Variants in FMO1 observed in about 807,000 individuals in gnomAD.
FMO1 encodes the protein flavin containing dimethylaniline monoxygenase 1, also known as flavin-containing monooxygenase 1.
In FMO1, 36 loss-of-function variants were observed where a neutral mutation model predicts 45.4. The ratio of observed to expected loss-of-function variants is 0.79; its 90% CI spans 0.61 to 1.05. The LOEUF is 1.05. Among genes scored for constraint, FMO1 ranks in the 50% least tolerant of loss-of-function variants. The pLI, the probability that FMO1 is intolerant of heterozygous loss-of-function variation, is 0.00. For synonymous variants in FMO1, 228 were observed against 227.2 expected (o/e 1.00, Z -0.03); for missense variants, 615 against 640.3 (o/e 0.96, Z 0.43).
In FMO1 at chr1:171,258,131, T is replaced by C. The variant is rs1488591182; in HGVS notation, c.44T>C (p.Leu15Pro). The part of the protein sequence containing the change: ...VAIVGAGVSG[L>P]ASIKCCLEEG... Reference sequence around the variant, plus strand: ...ATTGTGGGAGCTGGGGTCAGCGGCCTGGCCTCCATCAAGTGCTGTCTGGAA... The same window carrying C: ...ATTGTGGGAGCTGGGGTCAGCGGCCCGGCCTCCATCAAGTGCTGTCTGGAA... Residue 15 changes from leucine (L) to proline (P), a missense_variant, in exon 2 of 9, where the codon CTG (leucine) becomes CCG (proline). Coordinates refer to ENST00000617670, the MANE Select transcript of FMO1 (RefSeq NM_001282693.2). 1 of 1,614,206 alleles carries C rather than the reference T, an allele frequency of 6.2e-7. No homozygotes were observed. Among genetic ancestry groups the C allele is most frequent in the Admixed American group, 1.7e-5 (1 of 60,026 alleles).
chr1:171,249,424 T>C (rs1053424794), intron 1 of FMO1, among the ~76,000 whole-genome samples: 1 of 152,114 alleles, frequency 6.6e-6, no homozygotes, highest in African/African-American at 2.4e-5. Context: ...CTTGTTGTGG[T>C]TAGGAACATT....
chr1:171,278,717 T>C lies in FMO1; in HGVS notation c.485-12T>C, dbSNP rs200847805. 9.7e-6 allele frequency: 15 copies of C among 1,553,350 alleles called. No individual in the cohort carries two copies. The highest frequency in any genetic ancestry group is 4.4e-6 in the Non-Finnish European group (5 of 1,140,902). Reference sequence around the variant, plus strand: ...TTAATTCTCTGTGTGACTTCTCTTTTATTTTCTATAGGTATTAATGCCTTT... The same window carrying C: ...TTAATTCTCTGTGTGACTTCTCTTTCATTTTCTATAGGTATTAATGCCTTT... On this transcript the variant is annotated splice_polypyrimidine_tract_variant and intron_variant, in intron 4 of 8. Transcript: ENST00000617670.
chr1:171,283,731 T>C (rs912357301), intron 8 of FMO1, among the ~76,000 whole-genome samples: 6 of 152,164 alleles, frequency 3.9e-5, no homozygotes, highest in Non-Finnish European at 7.4e-5. Flanking sequence ...TTTTGTAGCA[T>C]GTGAAAAAAT....
At chr1:171,262,244 G>A (rs1660408313) in intron 2 of FMO1, among the ~76,000 whole-genome samples, 1 of 152,084 alleles carries the variant, frequency 6.6e-6, no homozygotes, top group Non-Finnish European at 1.5e-5. Flanking sequence ...AGACCAGCCT[G>A]GTCAACATGA....
intron 3 of FMO1, among the ~76,000 whole-genome samples, chr1:171,274,862 G>A (rs1661039312): frequency 6.6e-6 from 1 of 152,126 alleles, no homozygotes; most frequent in Admixed American, 6.5e-5. Flanking sequence ...CATAATGTTA[G>A]CACTTTTCAA....
At chr1:171,256,272 CAAAAAA>C (rs34529047) in intron 1 of FMO1, among the ~76,000 whole-genome samples, 1 of 78,282 alleles carries the variant, frequency 1.3e-5, no homozygotes, top group Non-Finnish European at 2.4e-5. Flanking sequence ...GACTCCATCT[CAAAAAA>C]AAAAAAAAAA....
At chr1:171,253,491 G>A (rs1198169196) in intron 1 of FMO1, among the ~76,000 whole-genome samples, 3 of 152,050 alleles carry the variant, frequency 2.0e-5, no homozygotes, top group Admixed American at 6.6e-5. Flanking sequence ...AACATAGTGA[G>A]ACCTCATCTC....
chr1:171,271,057 GC>G, intron 3 of FMO1: 1 of 1,010,242 alleles, frequency 9.9e-7, no homozygotes, highest in South Asian at 1.4e-5. Flanking sequence ...GCTTTTTTCA[GC>G]CTTGATAAAT....
chr1:171,275,358 A>C lies in FMO1; in HGVS notation c.334A>C (p.Ser112Arg). 5.0e-6 allele frequency: 8 copies of C among 1,613,848 alleles called. No individual in the cohort carries two copies. Among genetic ancestry groups the C allele is most frequent in the Non-Finnish European group, 6.8e-6 (8 of 1,179,844 alleles). ...KHIQFKTKVC[S>R]VTKCSDSAVS... is the part of the protein sequence containing the mutation. ...ATTCTTTTTTCAGACCAAAGTCTGC[A>C]GTGTAACAAAATGCTCAGATTCTGC... Residue 112 changes from serine (S) to arginine (R), a missense_variant, in exon 4 of 9, where the codon AGT becomes CGT. By Grantham distance (110) the Ser-to-Arg change is moderately radical. Coordinates refer to ENST00000617670, the MANE Select transcript of FMO1 (RefSeq NM_001282693.2).
intron 3 of FMO1, chr1:171,271,269 A>C (rs1249954812): frequency 8.6e-7 from 1 of 1,167,364 alleles, no homozygotes; most frequent in Non-Finnish European, 1.2e-6. Context: ...GGTGATACTC[A>C]GAGCAGAACA....
At chr1:171,253,370 A>C (rs1355630062) in intron 1 of FMO1, among the ~76,000 whole-genome samples, 1 of 152,184 alleles carries the variant, frequency 6.6e-6, no homozygotes, top group Non-Finnish European at 1.5e-5. Context: ...CTGCACCACG[A>C]AAAGCTCAAA....
rs757860489 is a variant in FMO1 at position 171,283,191 on chromosome 1, G to A, written c.1231G>A (p.Ala411Thr). The A allele has an allele frequency of 3.5e-6, 5 of 1,442,934 alleles. No individual in the cohort carries two copies. The highest frequency in any genetic ancestry group is 4.6e-6 in the Non-Finnish European group (5 of 1,078,156). The allele number at this position is 1,442,934 out of a possible 1,614,324, so 89.4% of individuals were successfully genotyped here. Reference protein sequence around the residue: ...PPSVMIEEINARKENKPSWFG... With the variant: ...PPSVMIEEINTRKENKPSWFG... ...AAGTGTCATGATAGAGGAAATTAAT[G>A]CAAGGAAAGAAAACAAGCCCAGTTG... is the stretch of plus-strand genomic sequence containing the variant. The change falls in exon 8 of 9, where the codon GCA becomes ACA. Residue 411 changes from alanine (A) to threonine (T), a missense_variant. Transcript: ENST00000617670.
intron 5 of FMO1, among the ~76,000 whole-genome samples, chr1:171,280,216 A>G: frequency 6.6e-6 from 1 of 152,250 alleles, no homozygotes; most frequent in East Asian, 1.9e-4. Context: ...CAGCAAAGCA[A>G]CAGATTGCTT....
rs768413309 is a variant in FMO1, at chr1:171,275,426, G to A, written c.402G>A (p.Lys134=). The A allele has an allele frequency of 1.2e-6, 2 of 1,613,688 alleles. No homozygotes were observed. The highest frequency in any genetic ancestry group is 1.7e-6 in the Non-Finnish European group (2 of 1,179,622). The stretch of plus-strand genomic sequence containing the variant: ...AGGTGGTCACTATGCATGAAGAGAA[G>A]CAAGAGTCAGCCATCTTTGATGCTG... The part of the protein sequence containing the change: ...QWEVVTMHEE[K]QESAIFDAVM... The change falls in exon 4 of 9, where the codon AAG becomes AAA. Residue 134 remains lysine, a synonymous_variant. Coordinates refer to ENST00000617670, the MANE Select transcript of FMO1 (RefSeq NM_001282693.2).
At chr1:171,257,946 C>A in intron 1 of FMO1, 136 bp from the exon 2 acceptor site, 2 of 961,332 alleles carry the variant, frequency 2.1e-6, no homozygotes, top group Non-Finnish European at 3.1e-6. Flanking sequence ...CACATTCACA[C>A]ACCAGAGACC....
chr1:171,263,305 T>C (rs1336303116), intron 2 of FMO1, among the ~76,000 whole-genome samples: 4 of 152,228 alleles, frequency 2.6e-5, no homozygotes, highest in Non-Finnish European at 5.9e-5. Flanking sequence ...TATGTAATAT[T>C]GCGGTTCCAG....
chr1:171,254,202 C>T (rs1388915678), intron 1 of FMO1, among the ~76,000 whole-genome samples: 4 of 152,096 alleles, frequency 2.6e-5, no homozygotes, highest in Non-Finnish European at 4.4e-5. Context: ...AATTCCCCTG[C>T]CTCAGCCTCC....
At chr1:171,267,975 T>C (rs1660687320) in intron 3 of FMO1, among the ~76,000 whole-genome samples, 1 of 152,242 alleles carries the variant, frequency 6.6e-6, no homozygotes, top group Admixed American at 6.5e-5. Flanking sequence ...TATCCAAGTA[T>C]CTTAGGGAAC....
At chr1:171,272,900 G>T (rs998630052) in intron 3 of FMO1, among the ~76,000 whole-genome samples, 5 of 152,116 alleles carry the variant, frequency 3.3e-5, no homozygotes, top group African/African-American at 7.2e-5. Flanking sequence ...TTAAGACCTT[G>T]GGGGGGAACT....
Sources: allele counts gnomAD v4.1 joint callset (sites outside exome capture counted in the v4.1 genomes callset), GRCh38; gene constraint gnomAD v4.1.1; transcripts MANE v1.5; gene names NCBI Gene and HGNC (gene_info 2026-07-23, HGNC 2026-07-21).